MKLN1: variants seen among roughly 807,000 people sequenced by gnomAD.
MKLN1 encodes the protein muskelin 1, also known as muskelin.
A neutral mutation model predicts 99.0 loss-of-function variants in MKLN1; 18 were observed. The ratio of observed to expected loss-of-function variants is 0.18; its 90% CI spans 0.13 to 0.27. The LOEUF is 0.27. Among genes scored for constraint, MKLN1 ranks in the 10% least tolerant of loss-of-function variants. MKLN1 has a pLI of 1.00. For synonymous variants in MKLN1, 288 were observed against 293.2 expected, an observed-to-expected ratio of 0.98 and a Z score of 0.18; for missense variants, 621 against 875.9, an observed-to-expected ratio of 0.71 and a Z score of 3.67.
At chr7:131,147,841 C>T (rs1186948007) in intron 2 of MKLN1, among the ~76,000 whole-genome samples, 1 of 152,134 alleles carries the variant, frequency 6.6e-6, no homozygotes, top group Non-Finnish European at 1.5e-5. Flanking sequence ...TGCTCATTAG[C>T]AGATACTGCA....
At chr7:131,159,898 T>C (rs1796021748) in intron 2 of MKLN1, among the ~76,000 whole-genome samples, 1 of 152,176 alleles carries the variant, frequency 6.6e-6, no homozygotes, top group Non-Finnish European at 1.5e-5. Context: ...ATCATCGTCA[T>C]TGTAAAGGGA....
At chr7:131,360,762 A>G (rs1291147788) in intron 1 of MKLN1, among the ~76,000 whole-genome samples, 1 of 152,142 alleles carries the variant, frequency 6.6e-6, no homozygotes, top group Non-Finnish European at 1.5e-5. Flanking sequence ...CTTTATGTAC[A>G]TCAATGTTGT....
At chr7:131,287,237 C>T (rs921130767) in intron 3 of MKLN1, among the ~76,000 whole-genome samples, 1 of 152,270 alleles carries the variant, frequency 6.6e-6, no homozygotes, top group Non-Finnish European at 1.5e-5. Context: ...CCATCTGGCT[C>T]CTGTCCTGGT....
At chr7:131,234,727 C>T (rs533316172) in intron 3 of MKLN1, among the ~76,000 whole-genome samples, 1 of 152,312 alleles carries the variant, frequency 6.6e-6, no homozygotes, top group East Asian at 1.9e-4. Flanking sequence ...GCATCACTTT[C>T]CCTGGAGATC....
chr7:131,276,957 C>A (rs1797983931), intron 3 of MKLN1, among the ~76,000 whole-genome samples: 1 of 152,036 alleles, frequency 6.6e-6, no homozygotes, highest in Non-Finnish European at 1.5e-5. Flanking sequence ...AGCCTCACTC[C>A]CCACGTGGTT....
chr7:131,215,781 G>A (rs1192898969), intron 3 of MKLN1, among the ~76,000 whole-genome samples: 1 of 152,176 alleles, frequency 6.6e-6, no homozygotes. Context: ...GAGGCCTGTA[G>A]TTGCTTGATC....
intron 11 of MKLN1, among the ~76,000 whole-genome samples, chr7:131,445,169 A>T (rs1202588763): frequency 6.6e-6 from 1 of 152,104 alleles, no homozygotes; most frequent in Non-Finnish European, 1.5e-5. Context: ...GTCTGAGTAT[A>T]TCTTTATATA....
At chr7:131,198,154 G>C (rs1796676523) in intron 2 of MKLN1, among the ~76,000 whole-genome samples, 1 of 152,224 alleles carries the variant, frequency 6.6e-6, no homozygotes, top group African/African-American at 2.4e-5. Context: ...GGAAAACTGT[G>C]TAAAGAATGT....
At chr7:131,329,075 A>G (rs557865854) in intron 1 of MKLN1, among the ~76,000 whole-genome samples, 1 of 152,308 alleles carries the variant, frequency 6.6e-6, no homozygotes, top group East Asian at 1.9e-4. Context: ...TGAATAATAT[A>G]TTTTACTGAG....
chr7:131,276,655 G>A (rs924331234), intron 3 of MKLN1, among the ~76,000 whole-genome samples: 10 of 152,194 alleles, frequency 6.6e-5, no homozygotes, highest in Non-Finnish European at 1.0e-4. Flanking sequence ...ATAAACTGGA[G>A]CAGAGTCACA....
rs547569004 is a variant in MKLN1 at position 131,449,385 on chromosome 7, A to G, written c.1525+3482A>G. Among the ~76,000 whole-genome samples, 142 of 152,322 alleles carry G rather than the reference A, an allele frequency of 9.3e-4. 1 individual carries two copies. The highest frequency in any genetic ancestry group is 3.4e-3 in the African/African-American group (140 of 41,578). The stretch of plus-strand genomic sequence containing the variant: ...AAAATAGATTATTCAAAGGTTTAAT[A>G]TCAGTGTCTTGATCTAAGTTTTAAC... On this transcript the variant is annotated intron_variant, in intron 12 of 17. Transcript: ENST00000352689.
At chr7:131,275,567 A>ATATATT (rs1336398554) in intron 3 of MKLN1, among the ~76,000 whole-genome samples, 2 of 5,620 alleles carry the variant, frequency 3.6e-4, no homozygotes, top group African/African-American at 8.0e-4. Flanking sequence ...ATATATATAT[A>ATATATT]TTTTTTTTTT....
intron 3 of MKLN1, among the ~76,000 whole-genome samples, chr7:131,247,235 C>CTTTTTTTTTTTTTTTTTTTTTTTTTTT (rs72068521): frequency 2.1e-5 from 3 of 141,166 alleles, no homozygotes; most frequent in African/African-American, 2.6e-5. Context: ...TTTCTTTTTT[C>CTTTTTTTTTTTTTTTTTTTTTTTTTTT]TTTTTTTTTT....
intron 3 of MKLN1, among the ~76,000 whole-genome samples, chr7:131,318,999 C>T (rs540819899): frequency 1.4e-3 from 219 of 152,242 alleles, no homozygotes; most frequent in Middle Eastern, 3.4e-3. Context: ...GACTGACAGC[C>T]GAATTCTACC....
intron 3 of MKLN1, among the ~76,000 whole-genome samples, chr7:131,306,720 A>T (rs1298678008): frequency 6.6e-6 from 1 of 152,244 alleles, no homozygotes; most frequent in Non-Finnish European, 1.5e-5. Context: ...ATGATCTGAA[A>T]TTGCAACTTA....
intron 3 of MKLN1, among the ~76,000 whole-genome samples, chr7:131,299,329 A>G (rs1006101003): frequency 2.0e-5 from 3 of 152,186 alleles, no homozygotes; most frequent in African/African-American, 7.2e-5. Context: ...GTCAGAATTG[A>G]ACAGAGAACC....
intron 2 of MKLN1, among the ~76,000 whole-genome samples, chr7:131,173,717 TCAAA>T (rs1302983348): frequency 1.3e-4 from 20 of 152,142 alleles, no homozygotes; most frequent in South Asian, 4.2e-4. Context: ...AGATTCCATC[TCAAA>T]CAAACAAAAA....
chr7:131,299,258 G>A (rs1211407247), intron 3 of MKLN1, among the ~76,000 whole-genome samples: 2 of 152,164 alleles, frequency 1.3e-5, no homozygotes, highest in African/African-American at 4.8e-5. Flanking sequence ...AATTCAGGGT[G>A]TATACACTCA....
intron 3 of MKLN1, among the ~76,000 whole-genome samples, chr7:131,315,674 C>G (rs1050906694): frequency 6.6e-6 from 1 of 152,178 alleles, no homozygotes; most frequent in Non-Finnish European, 1.5e-5. Context: ...GCCAGCACAC[C>G]AGTCTGAAGT....
Sources: allele counts gnomAD v4.1 joint callset (sites outside exome capture counted in the v4.1 genomes callset), GRCh38; gene constraint gnomAD v4.1.1; transcripts MANE v1.5; gene names NCBI Gene and HGNC (gene_info 2026-07-23, HGNC 2026-07-21).